TMC7: variants seen among roughly 807,000 people sequenced by gnomAD.
The protein encoded by TMC7 is transmembrane channel like 7, also known as transmembrane channel-like protein 7.
TMC7 carries 54 observed loss-of-function variants against 82.9 expected under a neutral mutation model. The ratio of observed to expected loss-of-function variants is 0.65; its 90% CI spans 0.52 to 0.82. The LOEUF (loss-of-function observed/expected upper bound fraction) is 0.82. Ranked by LOEUF, TMC7 falls within the 40% of genes least tolerant of loss-of-function variation. The pLI, the probability that TMC7 is intolerant of heterozygous loss-of-function variation, is 0.00. For synonymous variants in TMC7, 350 were observed against 337.9 expected (o/e 1.04, Z -0.39); for missense variants, 820 against 901.2 (o/e 0.91, Z 1.15).
chr16:18,988,258 C>T (rs1348920464), intron 1 of TMC7, among the ~76,000 whole-genome samples: 1 of 150,908 alleles, frequency 6.6e-6, no homozygotes, highest in Non-Finnish European at 1.5e-5. Context: ...GGGTTCAATC[C>T]ATTCTCCTGC....
At chr16:19,016,786 T>A (rs923771974) in intron 3 of TMC7, among the ~76,000 whole-genome samples, 188 bp downstream of exon 3, 8 of 152,212 alleles carry the variant, frequency 5.3e-5, no homozygotes, top group Non-Finnish European at 1.0e-4. Context: ...GTGGATATTT[T>A]CCTGTCCCTT....
At chr16:19,017,667 G>GTTTTT (rs35738895) in intron 3 of TMC7, among the ~76,000 whole-genome samples, 3 of 111,108 alleles carry the variant, frequency 2.7e-5, no homozygotes, top group Admixed American at 1.1e-4. Context: ...TCAAAAAACA[G>GTTTTT]TTTTTTTTTT....
rs1206442060 is a variant in TMC7 at position 19,038,252 on chromosome 16, A to C, written c.1179+205A>C. On this transcript the variant is annotated intron_variant, in intron 8 of 15. Coordinates refer to ENST00000304381, the MANE Select transcript of TMC7 (RefSeq NM_024847.4). The stretch of plus-strand genomic sequence containing the variant: ...CTCTTCTTGCCCAGACTGGAGTGCA[A>C]TGGCATTGTCTTGGCTCACTGCAGC... 3.3e-5 allele frequency among the ~76,000 whole-genome samples: 5 copies of C among 152,096 alleles called. No homozygotes were observed. The South Asian group carries it at 1.0e-3, about 32-fold the overall frequency.
At chr16:19,010,425 A>G (rs1222497361) in intron 2 of TMC7, among the ~76,000 whole-genome samples, 2 of 152,040 alleles carry the variant, frequency 1.3e-5, no homozygotes, top group Non-Finnish European at 2.9e-5. Flanking sequence ...AAGTGCTGGG[A>G]TTACAGGCAT....
At chr16:19,013,788 G>A (rs1394792435) in intron 2 of TMC7, among the ~76,000 whole-genome samples, 1 of 151,504 alleles carries the variant, frequency 6.6e-6, no homozygotes, top group Non-Finnish European at 1.5e-5. Context: ...CAAAGTGCTG[G>A]GATTACAAGC....
chr16:19,040,212 A>T, intron 8 of TMC7, 77 bp from the exon 9 acceptor site: 1 of 1,279,698 alleles, frequency 7.8e-7, no homozygotes, highest in Non-Finnish European at 1.1e-6. Context: ...CACATAGTTG[A>T]GTTCTTTTTT....
chr16:19,022,612 T>G (rs1960030248), intron 4 of TMC7, among the ~76,000 whole-genome samples: 1 of 152,228 alleles, frequency 6.6e-6, no homozygotes, highest in African/African-American at 2.4e-5. Flanking sequence ...CCATCTAGGT[T>G]TGCGTAAGTC....
intron 2 of TMC7, among the ~76,000 whole-genome samples, chr16:19,015,853 GGCATGAGCCACCAC>G (rs1959661142): frequency 6.6e-6 from 1 of 152,032 alleles, no homozygotes; most frequent in Admixed American, 6.6e-5. Context: ...TTGGATTACA[GGCATGAGCCACCAC>G]GCCCAGCCTC....
At chr16:19,027,670 G>A (rs921193684) in intron 5 of TMC7, among the ~76,000 whole-genome samples, 15 of 152,046 alleles carry the variant, frequency 9.9e-5, no homozygotes, top group African/African-American at 3.6e-4. Flanking sequence ...GGTTGGACAC[G>A]TTTTTATGGC....
At chr16:19,011,548 A>AATAAAAT (rs1959347297) in intron 2 of TMC7, among the ~76,000 whole-genome samples, 1 of 150,034 alleles carries the variant, frequency 6.7e-6, no homozygotes, top group South Asian at 2.1e-4. Flanking sequence ...TAAATAAATA[A>AATAAAAT]AATAATAATA....
intron 5 of TMC7, 27 bp from the exon 6 acceptor site, chr16:19,030,197 G>A (rs764300088): frequency 6.2e-7 from 1 of 1,603,582 alleles, no homozygotes; most frequent in East Asian, 2.2e-5. Context: ...TGACCAGTCT[G>A]ACTTCATGCT....
intron 2 of TMC7, 41 bp from the exon 3 acceptor site, chr16:19,016,409 C>A: frequency 6.2e-7 from 1 of 1,611,364 alleles, no homozygotes; most frequent in Non-Finnish European, 8.5e-7. Flanking sequence ...AGTCTTGATG[C>A]TGCTGTTGTT....
chr16:19,004,670 G>A (rs1021081792), intron 1 of TMC7, among the ~76,000 whole-genome samples: 4 of 151,958 alleles, frequency 2.6e-5, no homozygotes, highest in Non-Finnish European at 5.9e-5. Flanking sequence ...CAGCTTATAC[G>A]GTATTTTAAC....
At chr16:19,043,304 T>C (rs949429689) in intron 9 of TMC7, among the ~76,000 whole-genome samples, 3 of 152,206 alleles carry the variant, frequency 2.0e-5, no homozygotes, top group East Asian at 1.9e-4. Flanking sequence ...AAAGATTCCA[T>C]TGGTTCTTTT....
chr16:19,017,385 A>G (rs1485019517), intron 3 of TMC7, among the ~76,000 whole-genome samples: 1 of 149,246 alleles, frequency 6.7e-6, no homozygotes, highest in African/African-American at 2.4e-5. Context: ...ATTTAAAAAT[A>G]ATATTAAATT....
At chr16:19,044,845 G>T in intron 9 of TMC7, 39 bp from the exon 10 acceptor site, 1 of 1,492,084 alleles carries the variant, frequency 6.7e-7, no homozygotes, top group Non-Finnish European at 9.3e-7. Context: ...CCACCCTGAG[G>T]GCCTCATCTT....
At chr16:19,004,301 G>A (rs1596730162) in intron 1 of TMC7, among the ~76,000 whole-genome samples, 2 of 152,196 alleles carry the variant, frequency 1.3e-5, no homozygotes, top group African/African-American at 2.4e-5. Context: ...GGTAGGTGGT[G>A]TATGAAAAAC....
At chr16:19,033,994 T>G (rs569744896) in intron 6 of TMC7, among the ~76,000 whole-genome samples, 1 of 152,362 alleles carries the variant, frequency 6.6e-6, no homozygotes, top group African/African-American at 2.4e-5. Flanking sequence ...CAGAGGACTG[T>G]GCATGGCATC....
At chr16:19,059,666 T>A (rs1426625811) in intron 15 of TMC7, 172 bp downstream of exon 15, 15 of 1,540,764 alleles carry the variant, frequency 9.7e-6, no homozygotes, top group Non-Finnish European at 1.3e-5. Context: ...AATTCACTGA[T>A]TCATCCATTC....
Sources: allele counts gnomAD v4.1 joint callset (sites outside exome capture counted in the v4.1 genomes callset), GRCh38; gene constraint gnomAD v4.1.1; transcripts MANE v1.5; gene names NCBI Gene and HGNC (gene_info 2026-07-23, HGNC 2026-07-21).